Variants in DNAJC15 observed in about 807,000 individuals in gnomAD.
DNAJC15 encodes the protein DnaJ heat shock protein family (Hsp40) member C15, also known as dnaJ homolog subfamily C member 15.
A neutral mutation model predicts 22.4 loss-of-function variants in DNAJC15; 27 were observed. The observed-to-expected ratio is 1.20, with a 90% confidence interval of 0.89 to 1.66. The LOEUF (loss-of-function observed/expected upper bound fraction) is 1.66. Among genes scored for constraint, DNAJC15 ranks in the 40% most tolerant of loss-of-function variants. The probability of loss-of-function intolerance (pLI) is 0.00; values close to 1 mark genes in which losing one functional copy is unlikely to be tolerated. For missense variants in DNAJC15, 208 were observed against 187.1 expected (o/e 1.11, Z -0.65); for synonymous variants, 79 against 63.2 (o/e 1.25, Z -1.19).
rs1489320998 is a variant in DNAJC15 at position 43,109,567 on chromosome 13, A to T, written c.*2319A>T. ...TTAGCTTGGAATTTCCTTATTTCCC[A>T]TTTGCTTTGCAGGTGCCTTGGAGTC... On this transcript the variant is annotated 3_prime_UTR_variant, in exon 6 of 6. Transcript: ENST00000379221. The T allele has an allele frequency of 6.6e-6, 1 of 152,126 alleles. No homozygotes were observed. The highest frequency in any genetic ancestry group is 1.5e-5 in the Non-Finnish European group (1 of 68,016). The allele number at this position is 152,126 out of a possible 1,614,324, so 9.4% of individuals were successfully genotyped here.
rs1257477413 is a variant in DNAJC15 at position 43,038,305 on chromosome 13, C to A, written c.108+14571C>A. The stretch of plus-strand genomic sequence containing the variant: ...TCAGGAGATTGTTCATTGAACCATT[C>A]TTTTGACAATTTGTAAGACTTTGAT... On this transcript the variant is annotated intron_variant, in intron 1 of 5. Coordinates refer to ENST00000379221, the MANE Select transcript of DNAJC15 (RefSeq NM_013238.3). Among the ~76,000 whole-genome samples the A allele has an allele frequency of 3.3e-5, 5 of 152,178 alleles. No individual in the cohort carries two copies. In the East Asian group the frequency reaches 9.6e-4, roughly 29 times the overall value.
At chr13:43,028,207 A>T (rs1285186732) in intron 1 of DNAJC15, among the ~76,000 whole-genome samples, 1 of 152,218 alleles carries the variant, frequency 6.6e-6, no homozygotes, top group African/African-American at 2.4e-5. Flanking sequence ...AGTACCATAC[A>T]CAAAAATAGA....
chr13:43,101,640 A>G (rs1345173923), intron 5 of DNAJC15, among the ~76,000 whole-genome samples: 2 of 152,274 alleles, frequency 1.3e-5, no homozygotes, highest in Non-Finnish European at 2.9e-5. Flanking sequence ...AAAGTCCATT[A>G]TATCATTCTT....
intron 5 of DNAJC15, among the ~76,000 whole-genome samples, chr13:43,092,757 T>A (rs1379994706): frequency 2.6e-5 from 4 of 152,050 alleles, no homozygotes; most frequent in African/African-American, 4.8e-5. Flanking sequence ...AGTAAAAATT[T>A]AAAAAAATTA....
intron 3 of DNAJC15, among the ~76,000 whole-genome samples, chr13:43,077,051 A>G (rs1289170020): frequency 6.6e-6 from 1 of 152,148 alleles, no homozygotes; most frequent in Non-Finnish European, 1.5e-5. Flanking sequence ...AAACCATCTT[A>G]CTTCAGTCTC....
intron 4 of DNAJC15, among the ~76,000 whole-genome samples, chr13:43,083,523 T>C (rs2040673534): frequency 6.6e-6 from 1 of 152,184 alleles, no homozygotes; most frequent in South Asian, 2.1e-4. Flanking sequence ...TAAAGTTATT[T>C]AGAATCTACC....
intron 1 of DNAJC15, 45 bp from the exon 2 acceptor site, chr13:43,065,641 C>T: frequency 6.8e-7 from 1 of 1,474,988 alleles, no homozygotes; most frequent in Non-Finnish European, 9.5e-7. Context: ...ACTTTTAAAA[C>T]CCAGCATGTT....
Position 43,065,666 on chromosome 13 carries a change from A to T in DNAJC15, c.109-20A>T, listed in dbSNP as rs1334240444. 1 of 1,604,050 alleles carries T rather than the reference A, an allele frequency of 6.2e-7. No homozygotes were observed. Among genetic ancestry groups the T allele is most frequent in the South Asian group, 1.1e-5 (1 of 90,524 alleles). On this transcript the variant is annotated intron_variant, in intron 1 of 5. Coordinates refer to ENST00000379221, the MANE Select transcript of DNAJC15 (RefSeq NM_013238.3). ...CCCAGCATGTTACATCATAAGTAAT[A>T]TTCATTTTTTCTTCCATAGGTAAGA...
chr13:43,096,738 T>A (rs1280622209), intron 5 of DNAJC15, among the ~76,000 whole-genome samples: 3 of 152,208 alleles, frequency 2.0e-5, no homozygotes, highest in East Asian at 3.8e-4. Flanking sequence ...TTTTTCACCC[T>A]TTGTATTCAG....
intron 3 of DNAJC15, among the ~76,000 whole-genome samples, chr13:43,072,625 G>A (rs891240821): frequency 2.0e-5 from 3 of 150,262 alleles, no homozygotes; most frequent in African/African-American, 4.9e-5. Context: ...GTGCGGTTGC[G>A]CAATCTCGGC....
At chr13:43,026,060 T>C (rs529416278) in intron 1 of DNAJC15, among the ~76,000 whole-genome samples, 3 of 152,314 alleles carry the variant, frequency 2.0e-5, no homozygotes, top group African/African-American at 7.2e-5. Flanking sequence ...CAATGCAAAT[T>C]GTTTATCAAA....
At chr13:43,068,693 A>G (rs1254681202) in intron 2 of DNAJC15, among the ~76,000 whole-genome samples, 1 of 152,108 alleles carries the variant, frequency 6.6e-6, no homozygotes, top group Non-Finnish European at 1.5e-5. Context: ...TTCTAGTTTT[A>G]TGATCATAAA....
intron 1 of DNAJC15, among the ~76,000 whole-genome samples, chr13:43,059,453 T>A (rs1443181694): frequency 2.6e-5 from 4 of 152,092 alleles, no homozygotes; most frequent in Non-Finnish European, 5.9e-5. Context: ...GGCTCACCGC[T>A]TCCCGGGTTC....
chr13:43,090,043 T>C (rs541977162), intron 5 of DNAJC15, among the ~76,000 whole-genome samples: 15 of 152,358 alleles, frequency 9.8e-5, no homozygotes, highest in African/African-American at 3.6e-4. Context: ...TAATTCTTAA[T>C]GGATTATAAC....
At chr13:43,106,975 T>G (rs934736190) in intron 5 of DNAJC15, among the ~76,000 whole-genome samples, 2 of 151,922 alleles carry the variant, frequency 1.3e-5, no homozygotes, top group African/African-American at 4.8e-5. Context: ...TCTCAGAGGT[T>G]TTTTTTTATT....
At position 43,023,827 on chromosome 13, in the gene DNAJC15, C is replaced by G. The variant is rs574549745; in HGVS notation, c.108+93C>G. On this transcript the variant is annotated intron_variant, in intron 1 of 5. Coordinates refer to ENST00000379221, the MANE Select transcript of DNAJC15 (RefSeq NM_013238.3). ...CGCCTCACCCTTGAACCTTTGTACT[C>G]CCCCGCATTCGCTCACGGTCTGTGC... is the stretch of plus-strand genomic sequence containing the variant. 74 of 1,180,746 alleles carry G rather than the reference C, an allele frequency of 6.3e-5. No individual in the cohort carries two copies. In the African/African-American group the frequency reaches 1.1e-3, roughly 17 times the overall value. 73.1% of individuals were successfully genotyped at this position (1,180,746 alleles called of 1,614,324 possible). A position where few individuals can be genotyped will look rare whatever the true frequency, so the allele number is the denominator to read the frequency against.
At chr13:43,043,422 A>T (rs2040462735) in intron 1 of DNAJC15, among the ~76,000 whole-genome samples, 1 of 152,178 alleles carries the variant, frequency 6.6e-6, no homozygotes, top group Non-Finnish European at 1.5e-5. Context: ...AAAGCTTCTT[A>T]TATTATGAGA....
intron 4 of DNAJC15, among the ~76,000 whole-genome samples, chr13:43,079,354 C>T (rs1017817724): frequency 3.3e-5 from 5 of 151,936 alleles, no homozygotes; most frequent in African/African-American, 1.2e-4. Flanking sequence ...ATAATAAAGT[C>T]CTGTATTGAC....
At chr13:43,083,149 G>A (rs1294037582) in intron 4 of DNAJC15, among the ~76,000 whole-genome samples, 1 of 151,716 alleles carries the variant, frequency 6.6e-6, no homozygotes. Context: ...GCACTTGTAC[G>A]ATATATAATC....
Sources: allele counts gnomAD v4.1 joint callset (sites outside exome capture counted in the v4.1 genomes callset), GRCh38; gene constraint gnomAD v4.1.1; transcripts MANE v1.5; gene names NCBI Gene and HGNC (gene_info 2026-07-23, HGNC 2026-07-21).